The following ZMYND8 variants were observed in gnomAD, a reference collection of about 807,000 sequenced individuals.
ZMYND8 encodes the protein MYND-type zinc finger-containing chromatin reader ZMYND8.
A neutral mutation model predicts 140.8 loss-of-function variants in ZMYND8; 37 were observed. That is an observed-to-expected ratio of 0.26 (90% confidence interval 0.20 to 0.35). The LOEUF (loss-of-function observed/expected upper bound fraction) is 0.35, where lower values mean the gene tolerates loss of function less well. ZMYND8 is among the 10% of genes least tolerant of loss of function. The pLI is 1.00. For missense variants in ZMYND8, 1,068 were observed against 1,570.0 expected (o/e 0.68, Z 5.40); for synonymous variants, 592 against 597.1 (o/e 0.99, Z 0.12).
chr20:47,338,067 G>C (rs12106029), intron 2 of ZMYND8, among the ~76,000 whole-genome samples: 4,444 of 152,102 alleles, frequency 0.029, 208 homozygotes, highest in African/African-American at 0.1. Context: ...AGTGCAAGTA[G>C]AGAAAAACAC....
intron 12 of ZMYND8, among the ~76,000 whole-genome samples, chr20:47,260,660 G>A (rs1364339703): frequency 6.6e-6 from 1 of 152,150 alleles, no homozygotes; most frequent in Non-Finnish European, 1.5e-5. Flanking sequence ...CATCTGCTTC[G>A]CAACTTGCCC....
At chr20:47,237,120 T>C (rs894488684) in intron 15 of ZMYND8, among the ~76,000 whole-genome samples, 2 of 152,008 alleles carry the variant, frequency 1.3e-5, no homozygotes, top group African/African-American at 4.8e-5. Context: ...TAAGACAATC[T>C]GAAGCAATGA....
In ZMYND8 at chr20:47,210,623, C is replaced by A. The variant is rs754487320; in HGVS notation, c.*138G>T. On this transcript the variant is annotated 3_prime_UTR_variant, in exon 23 of 23. Coordinates refer to ENST00000471951, the MANE Select transcript of ZMYND8 (RefSeq NM_001281775.3). Reference sequence around the variant, plus strand: ...TCCTGTAGTGTAGCAGCCCCCGCGCCGGGGGCTCAGGCTCAACTGAGGGTT... The same window carrying A: ...TCCTGTAGTGTAGCAGCCCCCGCGCAGGGGGCTCAGGCTCAACTGAGGGTT... 8 of 1,441,160 alleles carry A rather than the reference C, an allele frequency of 5.6e-6. No individual in the cohort carries two copies. Among genetic ancestry groups the A allele is most frequent in the Admixed American group, 1.7e-5 (1 of 57,272 alleles). The allele number at this position is 1,441,160 out of a possible 1,614,324, so 89.3% of individuals were successfully genotyped here.
chr20:47,313,117 C>A (rs890030926), intron 2 of ZMYND8, among the ~76,000 whole-genome samples: 2 of 151,706 alleles, frequency 1.3e-5, no homozygotes, highest in African/African-American at 4.8e-5. Context: ...GTAATCCCAG[C>A]ACTTTGAGAG....
intron 21 of ZMYND8, among the ~76,000 whole-genome samples, chr20:47,216,433 T>G (rs2036111737): frequency 7.3e-6 from 1 of 136,312 alleles, no homozygotes; most frequent in Non-Finnish European, 1.5e-5. Flanking sequence ...AGGCAAAGGT[T>G]GTAGTGAGCC....
intron 12 of ZMYND8, among the ~76,000 whole-genome samples, chr20:47,257,817 T>C (rs923868741): frequency 3.3e-5 from 5 of 152,146 alleles, no homozygotes; most frequent in Non-Finnish European, 5.9e-5. Flanking sequence ...TTTTGTATTG[T>C]TGGTTGTATG....
chr20:47,301,273 GC>G (rs1298960356), intron 3 of ZMYND8, among the ~76,000 whole-genome samples: 3 of 151,102 alleles, frequency 2.0e-5, no homozygotes, highest in African/African-American at 4.9e-5. Flanking sequence ...TCCTGCCTCA[GC>G]CTCCTGAGTA....
intron 8 of ZMYND8, 59 bp from the exon 9 acceptor site, chr20:47,283,707 C>CA: frequency 2.0e-6 from 3 of 1,512,148 alleles, no homozygotes; most frequent in Non-Finnish European, 2.7e-6. Context: ...TTGTGGACCT[C>CA]AATCAATGCT....
chr20:47,332,235 C>T lies in ZMYND8; in HGVS notation c.85+15621G>A, dbSNP rs867119321. Reference sequence around the variant, plus strand: ...CTGAGACATGAGAATCATTTGAACCCGGGAGGCAGAGGTTGTAGTGAGCCA... The same window carrying T: ...CTGAGACATGAGAATCATTTGAACCTGGGAGGCAGAGGTTGTAGTGAGCCA... On this transcript the variant is annotated intron_variant, in intron 2 of 22. Transcript: ENST00000471951. Among the ~76,000 whole-genome samples, 5 of 152,042 alleles carry T rather than the reference C, an allele frequency of 3.3e-5. No homozygotes were observed. The South Asian group carries it at 6.2e-4, about 19-fold the overall frequency.
chr20:47,254,236 G>A (rs906626061), intron 12 of ZMYND8, among the ~76,000 whole-genome samples: 2 of 152,168 alleles, frequency 1.3e-5, no homozygotes, highest in Non-Finnish European at 2.9e-5. Context: ...AAATACTCAC[G>A]CTAGAGAAAA....
Position 47,298,529 on chromosome 20 carries a change from G to A in ZMYND8, c.453+200C>T. The stretch of plus-strand genomic sequence containing the variant: ...TGAGAAATCAGAAATAATATTCCGT[G>A]CAATTGTCTTTCCAAGAGCTGCAGT... On this transcript the variant is annotated intron_variant, in intron 4 of 22. Coordinates refer to ENST00000471951, the MANE Select transcript of ZMYND8 (RefSeq NM_001281775.3). The surrounding 1 kb of genome is among the most constrained non-coding windows in gnomAD (Gnocchi z 5.0). The A allele has an allele frequency of 2.0e-6, 2 of 985,434 alleles. No homozygotes were observed. Among genetic ancestry groups the A allele is most frequent in the Non-Finnish European group, 2.4e-6 (2 of 829,936 alleles). 61.0% of individuals were successfully genotyped at this position (985,434 alleles called of 1,614,324 possible).
intron 11 of ZMYND8, among the ~76,000 whole-genome samples, chr20:47,262,891 C>A (rs933776009): frequency 7.2e-5 from 11 of 152,286 alleles, no homozygotes; most frequent in Admixed American, 5.9e-4. Context: ...ACCAACTTGG[C>A]CCCTTGGGAA....
chr20:47,314,465 C>T (rs2079214245), intron 2 of ZMYND8, among the ~76,000 whole-genome samples: 1 of 152,190 alleles, frequency 6.6e-6, no homozygotes, highest in South Asian at 2.1e-4. Flanking sequence ...CACCACTGCA[C>T]TCCAGCCTGG....
intron 2 of ZMYND8, among the ~76,000 whole-genome samples, chr20:47,317,623 G>A (rs2079514394): frequency 6.6e-6 from 1 of 152,238 alleles, no homozygotes; most frequent in East Asian, 1.9e-4. Context: ...TTGGTCCACA[G>A]GCTGAGACAG....
intron 21 of ZMYND8, 45 bp downstream of exon 21, chr20:47,220,213 A>T: frequency 6.7e-7 from 1 of 1,498,472 alleles, no homozygotes; most frequent in Non-Finnish European, 9.1e-7. Context: ...CCATCTGCCC[A>T]TCTGAAATGT....
In ZMYND8 at chr20:47,221,347, C is replaced by G; in HGVS notation, c.3384G>C (p.Glu1128Asp). The G allele has an allele frequency of 6.2e-7, 1 of 1,614,198 alleles. No homozygotes were observed. The highest frequency in any genetic ancestry group is 8.5e-7 in the Non-Finnish European group (1 of 1,180,034). Residue 1128 changes from glutamate (E) to aspartate (D), a missense_variant, in exon 20 of 23, where the codon GAG (glutamate) becomes GAC (aspartate). Physicochemically the swap from Glu to Asp is conservative, Grantham distance 45. Transcript: ENST00000471951. ...TCTCCTTGCTTTTCTCAGCTGACGTCTCCTTCTCTTTGGAGGCGCTGGCCG... is the reference window on the plus strand; with the variant it reads ...TCTCCTTGCTTTTCTCAGCTGACGTGTCCTTCTCTTTGGAGGCGCTGGCCG... ...SETASASKEKETSAEKSKESG... is the reference protein window; with the variant it reads ...SETASASKEKDTSAEKSKESG...
chr20:47,351,399 T>C (rs2082768703), intron 1 of ZMYND8, among the ~76,000 whole-genome samples: 1 of 152,188 alleles, frequency 6.6e-6, no homozygotes, highest in African/African-American at 2.4e-5. Flanking sequence ...GAAGAGTATC[T>C]AAGCCATCTA....
intron 12 of ZMYND8, among the ~76,000 whole-genome samples, chr20:47,255,109 G>A (rs902099699): frequency 9.9e-5 from 15 of 152,010 alleles, no homozygotes; most frequent in East Asian, 3.9e-4. Context: ...CAAACAGAGC[G>A]ACGCTCCATC....
intron 16 of ZMYND8, among the ~76,000 whole-genome samples, chr20:47,234,581 G>A (rs1300389758): frequency 6.6e-6 from 1 of 152,208 alleles, no homozygotes; most frequent in Non-Finnish European, 1.5e-5. Flanking sequence ...GTGGAGCCAT[G>A]CCCAGATTCC....
Sources: allele counts gnomAD v4.1 joint callset (sites outside exome capture counted in the v4.1 genomes callset), GRCh38; gene constraint gnomAD v4.1.1; non-coding constraint Gnocchi (gnomAD v3.1); transcripts MANE v1.5; gene names NCBI Gene and HGNC (gene_info 2026-07-23, HGNC 2026-07-21).